Variants in NALF1 observed in about 807,000 individuals in gnomAD.
NALF1 encodes the protein family with sequence similarity 155 member A.
NALF1 carries 3 observed loss-of-function variants against 48.4 expected under a neutral mutation model. That is an observed-to-expected ratio of 0.06 (90% CI 0.03 to 0.16). The LOEUF (loss-of-function observed/expected upper bound fraction) is 0.16, where lower values mean the gene tolerates loss of function less well. Ranked by LOEUF, NALF1 falls within the 10% of genes least tolerant of loss-of-function variation. The pLI, the probability that NALF1 is intolerant of heterozygous loss-of-function variation, is 1.00. For synonymous variants in NALF1, 262 were observed against 245.7 expected (o/e 1.07, Z -0.62); for missense variants, 526 against 571.5 (o/e 0.92, Z 0.81).
At chr13:107,414,160 A>T (rs1884043234) in intron 1 of NALF1, among the ~76,000 whole-genome samples, 1 of 152,140 alleles carries the variant, frequency 6.6e-6, no homozygotes, top group South Asian at 2.1e-4. Context: ...TATTATAAGC[A>T]TATAATCATT....
intron 1 of NALF1, among the ~76,000 whole-genome samples, chr13:107,627,873 G>A (rs1019444487): frequency 6.6e-5 from 10 of 151,880 alleles, no homozygotes; most frequent in African/African-American, 2.2e-4. Context: ...AACCAAACTC[G>A]CTGGACAATA....
intron 1 of NALF1, among the ~76,000 whole-genome samples, chr13:107,809,710 C>G (rs915424894): frequency 6.6e-6 from 1 of 152,060 alleles, no homozygotes; most frequent in Non-Finnish European, 1.5e-5. Flanking sequence ...ATCTTAATAT[C>G]ACGCCCACTT....
At chr13:107,219,718 A>G (rs1879951920) in intron 1 of NALF1, among the ~76,000 whole-genome samples, 1 of 152,216 alleles carries the variant, frequency 6.6e-6, no homozygotes, top group Non-Finnish European at 1.5e-5. Context: ...AGTAATCAGT[A>G]AATTCACTAT....
chr13:107,275,854 C>A (rs891593854), intron 1 of NALF1, among the ~76,000 whole-genome samples: 2 of 152,142 alleles, frequency 1.3e-5, no homozygotes, highest in Admixed American at 1.3e-4. Context: ...GCTGGCTGAG[C>A]CTGCAGTGTT....
At chr13:107,273,812 C>T (rs562367411) in intron 1 of NALF1, among the ~76,000 whole-genome samples, 28 of 152,278 alleles carry the variant, frequency 1.8e-4, no homozygotes, top group African/African-American at 6.3e-4. Flanking sequence ...GAGGGCACTT[C>T]TTAAAGCAGT....
At chr13:107,819,744 CTCTG>C (rs1253465690) in intron 1 of NALF1, among the ~76,000 whole-genome samples, 1 of 139,612 alleles carries the variant, frequency 7.2e-6, no homozygotes, top group African/African-American at 3.1e-5. Flanking sequence ...CTCTCTCTCT[CTCTG>C]GAAACTCTCT....
At chr13:107,698,729 AAGAACTAC>A (rs1881751728) in intron 1 of NALF1, among the ~76,000 whole-genome samples, 1 of 152,142 alleles carries the variant, frequency 6.6e-6, no homozygotes. Flanking sequence ...TATGCAGAAT[AAGAACTAC>A]ATTTCCCTGA....
At chr13:107,860,131 T>TA (rs1167901502) in intron 1 of NALF1, among the ~76,000 whole-genome samples, 2 of 152,040 alleles carry the variant, frequency 1.3e-5, no homozygotes, top group Non-Finnish European at 2.9e-5. Flanking sequence ...GACACAACCT[T>TA]AAACAGTCAA....
rs1184552076 is a variant in NALF1 at position 107,332,421 on chromosome 13, C to T, written c.916-121666G>A. 3.9e-5 allele frequency among the ~76,000 whole-genome samples: 6 copies of T among 152,338 alleles called. No individual in the cohort carries two copies. In the South Asian group the frequency reaches 8.3e-4, roughly 21 times the overall value. On this transcript the variant is annotated intron_variant, in intron 1 of 2. Coordinates refer to ENST00000375915, the MANE Select transcript of NALF1 (RefSeq NM_001080396.3). ...AAATACAACTAGAGGGTGTCCTTTT[C>T]ACTTACTGTGATAGTTCACAGAGCT...
At chr13:107,687,520 A>ACACT (rs1881464620) in intron 1 of NALF1, among the ~76,000 whole-genome samples, 1 of 150,048 alleles carries the variant, frequency 6.7e-6, no homozygotes, top group Non-Finnish European at 1.5e-5. Flanking sequence ...ACACACACAC[A>ACACT]TCACCTGGGA....
intron 1 of NALF1, among the ~76,000 whole-genome samples, chr13:107,574,321 C>G (rs1423564963): frequency 6.6e-6 from 1 of 152,170 alleles, no homozygotes; most frequent in Non-Finnish European, 1.5e-5. Context: ...CATTTTTATT[C>G]TATCATTTAT....
chr13:107,857,801 T>C (rs183095417), intron 1 of NALF1, among the ~76,000 whole-genome samples: 1 of 152,298 alleles, frequency 6.6e-6, no homozygotes, highest in East Asian at 1.9e-4. Context: ...AAATCAGTCT[T>C]CTATACAGAA....
At chr13:107,726,848 C>T (rs1393008789) in intron 1 of NALF1, among the ~76,000 whole-genome samples, 2 of 151,900 alleles carry the variant, frequency 1.3e-5, no homozygotes, top group East Asian at 3.9e-4. Flanking sequence ...TGGTGATCCA[C>T]CCTCCTTGGC....
intron 1 of NALF1, among the ~76,000 whole-genome samples, 188 bp downstream of exon 1, chr13:107,865,494 T>C (rs1173128186): frequency 6.6e-6 from 1 of 152,086 alleles, no homozygotes; most frequent in African/African-American, 2.4e-5. Flanking sequence ...GAAGAAGGCA[T>C]CAGTCAGTCC....
At chr13:107,832,083 T>C (rs1879750475) in intron 1 of NALF1, among the ~76,000 whole-genome samples, 1 of 152,152 alleles carries the variant, frequency 6.6e-6, no homozygotes, top group Non-Finnish European at 1.5e-5. Context: ...TAAACTATTA[T>C]ATCTGGTACT....
At chr13:107,497,064 C>T (rs1222444516) in intron 1 of NALF1, among the ~76,000 whole-genome samples, 1 of 152,158 alleles carries the variant, frequency 6.6e-6, no homozygotes, top group Non-Finnish European at 1.5e-5. Flanking sequence ...CAGGCACTAA[C>T]TACTTAAGCA....
At chr13:107,844,614 A>T (rs1880123787) in intron 1 of NALF1, among the ~76,000 whole-genome samples, 1 of 152,202 alleles carries the variant, frequency 6.6e-6, no homozygotes, top group Non-Finnish European at 1.5e-5. Flanking sequence ...AGCTAATCAT[A>T]ATATAGTAAT....
Position 107,830,125 on chromosome 13 carries a change from C to T in NALF1, c.915+35557G>A, listed in dbSNP as rs187086334. On this transcript the variant is annotated intron_variant, in intron 1 of 2. Coordinates refer to ENST00000375915, the MANE Select transcript of NALF1 (RefSeq NM_001080396.3). The stretch of plus-strand genomic sequence containing the variant: ...AACAATTCGGCCCAGCTGTCTCTGG[C>T]CCATTTCCCTTTCTACCGCCTCTTG... Among the ~76,000 whole-genome samples, 6 of 152,270 alleles carry T rather than the reference C, an allele frequency of 3.9e-5. No homozygotes were observed. In the East Asian group the frequency reaches 9.7e-4, roughly 25 times the overall value.
chr13:107,737,367 C>T (rs1876495720), intron 1 of NALF1, among the ~76,000 whole-genome samples: 1 of 152,064 alleles, frequency 6.6e-6, no homozygotes, highest in Non-Finnish European at 1.5e-5. Context: ...ATTAACATTC[C>T]AATGTGATGT....
Sources: allele counts gnomAD v4.1 joint callset (sites outside exome capture counted in the v4.1 genomes callset), GRCh38; gene constraint gnomAD v4.1.1; transcripts MANE v1.5; gene names NCBI Gene and HGNC (gene_info 2026-07-23, HGNC 2026-07-21).